The following CRADD variants were observed in gnomAD, a reference collection of about 807,000 sequenced individuals.
The protein encoded by CRADD is CARD and death domain containing adaptor protein.
CRADD carries 9 observed loss-of-function variants against 15.5 expected under a neutral mutation model. The ratio of observed to expected loss-of-function variants is 0.58; its 90% CI spans 0.35 to 1.01. The LOEUF (loss-of-function observed/expected upper bound fraction) is 1.01. Among genes scored for constraint, CRADD ranks in the 50% least tolerant of loss-of-function variants. CRADD has a pLI of 0.02. For synonymous variants in CRADD, 118 were observed against 107.6 expected, an observed-to-expected ratio of 1.10 and a Z score of -0.60; for missense variants, 227 against 250.3, an observed-to-expected ratio of 0.91 and a Z score of 0.63.
Position 93,814,051 on chromosome 12 carries a change from G to A in CRADD, c.299-35919G>A, listed in dbSNP as rs142340067. Among the ~76,000 whole-genome samples, 47 of 152,300 alleles carry A rather than the reference G, an allele frequency of 3.1e-4. No homozygotes were observed. In the East Asian group the frequency reaches 8.9e-3, roughly 29 times the overall value. Reference sequence around the variant, plus strand: ...GTGAGGGCAGTAGAGATGGTTGTCCGAGTCCAGTGGCCATGAGAGGTTTCT... The same window carrying A: ...GTGAGGGCAGTAGAGATGGTTGTCCAAGTCCAGTGGCCATGAGAGGTTTCT... On this transcript the variant is annotated intron_variant, in intron 2 of 2. Coordinates refer to ENST00000332896, the MANE Select transcript of CRADD (RefSeq NM_003805.5).
intron 2 of CRADD, chr12:93,859,568 CA>C (rs1407993608): frequency 3.2e-6 from 1 of 312,248 alleles, no homozygotes; most frequent in African/African-American, 2.2e-5. Context: ...AAGAATAACT[CA>C]AAGGAAAGGA....
intron 2 of CRADD, among the ~76,000 whole-genome samples, chr12:93,781,314 G>T (rs1378030920): frequency 6.6e-6 from 1 of 152,088 alleles, no homozygotes; most frequent in Non-Finnish European, 1.5e-5. Context: ...GATTGTTAGG[G>T]CACCAAGTCA....
chr12:93,782,919 A>G (rs1957228070), intron 2 of CRADD, among the ~76,000 whole-genome samples: 1 of 152,196 alleles, frequency 6.6e-6, no homozygotes, highest in African/African-American at 2.4e-5. Flanking sequence ...GAATGGTAAA[A>G]TATAATAATT....
intron 2 of CRADD, among the ~76,000 whole-genome samples, chr12:93,707,176 A>C (rs939905605): frequency 6.6e-6 from 1 of 152,200 alleles, no homozygotes; most frequent in Non-Finnish European, 1.5e-5. Context: ...CCGTCTGTCA[A>C]TTTTATAAAT....
At chr12:93,826,552 G>A (rs1000895399) in intron 2 of CRADD, among the ~76,000 whole-genome samples, 1 of 152,212 alleles carries the variant, frequency 6.6e-6, no homozygotes, top group Non-Finnish European at 1.5e-5. Context: ...CTAGGGGTGT[G>A]TTTCTGTTGC....
At position 93,879,577 on chromosome 12, in the gene CRADD, T is replaced by TG. The variant is rs574342867; in HGVS notation, c.299-14468dup. On this transcript the variant is annotated intron_variant, in intron 2 of 2. Transcript: ENST00000548483. Reference sequence around the variant, plus strand: ...TTTTACTCCAAGGTTCATGGGCAGGTGGGGGAGGCCAGCAGGTTGCCCTCA... The same window carrying TG: ...TTTTACTCCAAGGTTCATGGGCAGGTGGGGGGAGGCCAGCAGGTTGCCCTCA... 6.4e-4 allele frequency among the ~76,000 whole-genome samples: 97 copies of TG among 152,218 alleles called. No individual in the cohort carries two copies. In the East Asian group the frequency reaches 0.017, roughly 26 times the overall value.
At chr12:93,890,715 C>T (rs541368492) in intron 2 of CRADD, among the ~76,000 whole-genome samples, 1 of 152,178 alleles carries the variant, frequency 6.6e-6, no homozygotes, top group Non-Finnish European at 1.5e-5. Flanking sequence ...CCTTACTGAA[C>T]CAAACCAATG....
chr12:93,882,626 A>G (rs1334579702), intron 2 of CRADD, among the ~76,000 whole-genome samples: 1 of 151,954 alleles, frequency 6.6e-6, no homozygotes, highest in Admixed American at 6.6e-5. Flanking sequence ...TGGCTGGGTA[A>G]CTCTCACTTT....
At chr12:93,826,548 G>T (rs1050573487) in intron 2 of CRADD, among the ~76,000 whole-genome samples, 3 of 152,200 alleles carry the variant, frequency 2.0e-5, no homozygotes, top group African/African-American at 4.8e-5. Context: ...CAGCCTAGGG[G>T]TGTGTTTCTG....
At chr12:93,711,896 C>T (rs574440253) in intron 2 of CRADD, among the ~76,000 whole-genome samples, 101 of 152,190 alleles carry the variant, frequency 6.6e-4, no homozygotes, top group Admixed American at 2.7e-3. Context: ...GTTGGGATTA[C>T]AGGCGTGAGC....
At chr12:93,708,923 C>T (rs368634089) in intron 2 of CRADD, 1 of 152,660 alleles carries the variant, frequency 6.6e-6, no homozygotes, top group East Asian at 1.9e-4. Context: ...GGTGAGGGCC[C>T]ATTTCCTGGT....
chr12:93,763,157 T>C (rs1259327263), intron 2 of CRADD, among the ~76,000 whole-genome samples: 1 of 152,268 alleles, frequency 6.6e-6, no homozygotes, highest in Admixed American at 6.5e-5. Flanking sequence ...TAAGTTAGCC[T>C]GTTGTAGGCC....
chr12:93,817,213 C>A (rs1273953167), intron 2 of CRADD, among the ~76,000 whole-genome samples: 2 of 152,132 alleles, frequency 1.3e-5, no homozygotes, highest in African/African-American at 4.8e-5. Flanking sequence ...CAGATCTGGT[C>A]CTTCAAGAGA....
downstream of CRADD, among the ~76,000 whole-genome samples, chr12:93,853,950 G>A (rs1300300587): frequency 6.6e-6 from 1 of 152,190 alleles, no homozygotes; most frequent in African/African-American, 2.4e-5. Flanking sequence ...AAACAGTGAT[G>A]CAAGGAAGGG....
At chr12:93,687,229 C>A (rs1365462215) in intron 2 of CRADD, among the ~76,000 whole-genome samples, 1 of 152,198 alleles carries the variant, frequency 6.6e-6, no homozygotes, top group Non-Finnish European at 1.5e-5. Flanking sequence ...GGAGATGCCT[C>A]CATTTCACTT....
chr12:93,727,604 T>G (rs1185361918), intron 2 of CRADD, among the ~76,000 whole-genome samples: 3 of 152,164 alleles, frequency 2.0e-5, no homozygotes. Context: ...ACTGAAGCTG[T>G]AGTAACTCAG....
intron 2 of CRADD, among the ~76,000 whole-genome samples, chr12:93,795,560 G>A (rs1422423656): frequency 6.6e-6 from 1 of 152,128 alleles, no homozygotes; most frequent in African/African-American, 2.4e-5. Context: ...CAGAGCCAAG[G>A]CCTACCCCAT....
At chr12:93,691,171 G>A (rs1955558189) in intron 2 of CRADD, among the ~76,000 whole-genome samples, 1 of 151,680 alleles carries the variant, frequency 6.6e-6, no homozygotes, top group South Asian at 2.1e-4. Context: ...TCCATCATGT[G>A]CCAGTCACAA....
At chr12:93,755,520 A>G (rs1480220142) in intron 2 of CRADD, among the ~76,000 whole-genome samples, 4 of 152,212 alleles carry the variant, frequency 2.6e-5, no homozygotes, top group Non-Finnish European at 5.9e-5. Flanking sequence ...TAACAGCATC[A>G]CAAAACCTAG....
Sources: allele counts gnomAD v4.1 joint callset (sites outside exome capture counted in the v4.1 genomes callset), GRCh38; gene constraint gnomAD v4.1.1; transcripts MANE v1.5; gene names NCBI Gene and HGNC (gene_info 2026-07-23, HGNC 2026-07-21).